The following DNM3 variants were observed in gnomAD, a reference collection of about 807,000 sequenced individuals.
DNM3 encodes dynamin-3.
In DNM3, 47 loss-of-function variants were observed where a neutral mutation model predicts 101.6. That is an observed-to-expected ratio of 0.46 (90% CI 0.37 to 0.59). The LOEUF is 0.59. Among genes scored for constraint, DNM3 ranks in the 20% least tolerant of loss-of-function variants. DNM3 has a pLI of 0.00. For synonymous variants in DNM3, 385 were observed against 387.9 expected (o/e 0.99, Z 0.09); for missense variants, 849 against 1,085.7 (o/e 0.78, Z 3.06).
At chr1:172,004,058 T>C (rs1273897330) in intron 4 of DNM3, among the ~76,000 whole-genome samples, 2 of 151,780 alleles carry the variant, frequency 1.3e-5, no homozygotes, top group East Asian at 1.9e-4. Flanking sequence ...GAATGGAAGA[T>C]AAAAGTGGGC....
intron 1 of DNM3, among the ~76,000 whole-genome samples, chr1:171,895,472 T>G (rs1187528520): frequency 1.3e-5 from 2 of 152,250 alleles, no homozygotes; most frequent in Admixed American, 6.5e-5. Flanking sequence ...TTGCCCACTT[T>G]TTGATGGGAT....
At chr1:172,178,263 A>G (rs996308088) in intron 14 of DNM3, among the ~76,000 whole-genome samples, 1 of 151,978 alleles carries the variant, frequency 6.6e-6, no homozygotes, top group African/African-American at 2.4e-5. Context: ...TGGCTGTAAT[A>G]AGAAGAAGAA....
intron 11 of DNM3, among the ~76,000 whole-genome samples, chr1:172,080,209 G>A (rs762229769): frequency 5.3e-5 from 8 of 152,200 alleles, no homozygotes; most frequent in Non-Finnish European, 1.2e-4. Flanking sequence ...TAAGTCTGCT[G>A]AAGTTGCACC....
Position 172,081,044 on chromosome 1 carries a change from G to A in DNM3, c.1423-788G>A, listed in dbSNP as rs865774549. Among the ~76,000 whole-genome samples the A allele has an allele frequency of 4.6e-5, 7 of 152,316 alleles. 1 individual carries two copies. Among genetic ancestry groups the A allele is most frequent in the Middle Eastern group, 6.8e-3 (2 of 294 alleles). On this transcript the variant is annotated intron_variant, in intron 11 of 20. Transcript: ENST00000627582. ...TGCTTCTGTGTTGATCTCACTGGGAGCTGCATACTGGAGCTGTTCCTATTT... is the reference window on the plus strand; with the variant it reads ...TGCTTCTGTGTTGATCTCACTGGGAACTGCATACTGGAGCTGTTCCTATTT...
rs190644710 is a variant in DNM3, at chr1:172,286,510, T to C, written c.1770-22218T>C. On this transcript the variant is annotated intron_variant, in intron 15 of 20. Transcript: ENST00000627582. Reference sequence around the variant, plus strand: ...AAGTAGACACATGACCTGTGGCTGTTTGGCTTGTCCCCCTATGGGAAAATA... The same window carrying C: ...AAGTAGACACATGACCTGTGGCTGTCTGGCTTGTCCCCCTATGGGAAAATA... Among the ~76,000 whole-genome samples, 24 of 152,372 alleles carry C rather than the reference T, an allele frequency of 1.6e-4. No homozygotes were observed. The East Asian group carries it at 4.6e-3, about 29-fold the overall frequency.
intron 2 of DNM3, among the ~76,000 whole-genome samples, chr1:171,929,707 C>T (rs1232816482): frequency 6.6e-6 from 1 of 152,090 alleles, no homozygotes; most frequent in Non-Finnish European, 1.5e-5. Flanking sequence ...TCTAGGAGCT[C>T]CATCCCAGGG....
chr1:171,915,500 A>G (rs887973424), intron 1 of DNM3, among the ~76,000 whole-genome samples: 2 of 152,200 alleles, frequency 1.3e-5, no homozygotes, highest in African/African-American at 4.8e-5. Flanking sequence ...AACTTGGAGC[A>G]TGAGGATAGA....
intron 14 of DNM3, among the ~76,000 whole-genome samples, chr1:172,221,144 T>A (rs1040284047): frequency 3.3e-5 from 5 of 152,100 alleles, no homozygotes; most frequent in African/African-American, 1.2e-4. Context: ...AGAAAAAGAA[T>A]GTATTATTAA....
intron 2 of DNM3, among the ~76,000 whole-genome samples, chr1:171,982,184 G>A (rs917998742): frequency 6.6e-6 from 1 of 152,116 alleles, no homozygotes; most frequent in Non-Finnish European, 1.5e-5. Flanking sequence ...GTATAAAACC[G>A]TGGTAAACTA....
chr1:172,172,462 G>A (rs1347508154), intron 14 of DNM3, among the ~76,000 whole-genome samples: 1 of 151,596 alleles, frequency 6.6e-6, no homozygotes, highest in African/African-American at 2.4e-5. Context: ...GTGGGATGAT[G>A]GGAGATTTCA....
At chr1:172,214,549 A>G (rs1381102220) in intron 14 of DNM3, among the ~76,000 whole-genome samples, 3 of 152,112 alleles carry the variant, frequency 2.0e-5, no homozygotes, top group African/African-American at 7.2e-5. Flanking sequence ...CATACGGTGA[A>G]TATATTTTAC....
intron 15 of DNM3, among the ~76,000 whole-genome samples, chr1:172,285,994 GGATAA>G (rs1486714453): frequency 6.6e-6 from 1 of 151,290 alleles, no homozygotes; most frequent in Non-Finnish European, 1.5e-5. Context: ...ATGCCTTCTG[GGATAA>G]GATGCTGCTT....
At chr1:172,114,055 GA>G (rs1422018077) in intron 13 of DNM3, among the ~76,000 whole-genome samples, 2 of 152,120 alleles carry the variant, frequency 1.3e-5, no homozygotes, top group Non-Finnish European at 2.9e-5. Context: ...GGAAAAGATA[GA>G]AAATGAACAA....
At chr1:171,882,783 G>C (rs983422464) in intron 1 of DNM3, among the ~76,000 whole-genome samples, 1 of 151,592 alleles carries the variant, frequency 6.6e-6, no homozygotes, top group Non-Finnish European at 1.5e-5. Flanking sequence ...CCTTTATTTT[G>C]ATTTGTCTGA....
intron 14 of DNM3, among the ~76,000 whole-genome samples, chr1:172,190,348 T>A (rs1454294596): frequency 6.6e-6 from 1 of 152,188 alleles, no homozygotes; most frequent in Non-Finnish European, 1.5e-5. Context: ...GAACTCATCC[T>A]TTTTTATGGC....
chr1:172,184,617 T>C (rs1003030253), intron 14 of DNM3, among the ~76,000 whole-genome samples: 3 of 152,114 alleles, frequency 2.0e-5, no homozygotes, highest in Non-Finnish European at 4.4e-5. Flanking sequence ...TTCTGTTGAA[T>C]GTTGCTCTCT....
intron 15 of DNM3, among the ~76,000 whole-genome samples, chr1:172,300,456 T>C (rs2064389600): frequency 6.6e-6 from 1 of 152,196 alleles, no homozygotes; most frequent in Admixed American, 6.5e-5. Flanking sequence ...AGTCATAAAT[T>C]CTTGCCAAGA....
At chr1:172,230,582 T>A (rs1327226600) in intron 14 of DNM3, among the ~76,000 whole-genome samples, 3 of 152,218 alleles carry the variant, frequency 2.0e-5, no homozygotes, top group Admixed American at 6.5e-5. Context: ...TTAACAAAAT[T>A]AGAATGTTCC....
chr1:172,167,440 T>A (rs2058792263), intron 14 of DNM3, among the ~76,000 whole-genome samples: 3 of 152,074 alleles, frequency 2.0e-5, no homozygotes, highest in African/African-American at 7.2e-5. Flanking sequence ...TACCCAGGAA[T>A]GGGATGGCTG....
Sources: allele counts gnomAD v4.1 joint callset (sites outside exome capture counted in the v4.1 genomes callset), GRCh38; gene constraint gnomAD v4.1.1; transcripts MANE v1.5; gene names NCBI Gene and HGNC (gene_info 2026-07-23, HGNC 2026-07-21).